Variants in SNX18 observed in about 807,000 individuals in gnomAD.
SNX18 encodes sorting nexin 18.
Under a neutral mutation model 48.7 loss-of-function variants are expected in SNX18, and 35 were observed. That is an observed-to-expected ratio of 0.72 (90% CI 0.55 to 0.95). The LOEUF (loss-of-function observed/expected upper bound fraction) is 0.95, where lower values mean the gene tolerates loss of function less well. Among genes scored for constraint, SNX18 ranks in the 40% least tolerant of loss-of-function variants. The pLI is 0.00. For missense variants in SNX18, 824 were observed against 871.0 expected (o/e 0.95, Z 0.68); for synonymous variants, 492 against 384.7 (o/e 1.28, Z -3.26).
chr5:54,623,905 A>G, the SNX18 span, among the ~76,000 whole-genome samples: 112,655 of 152,124 alleles, frequency 0.74, 42,596 homozygotes, highest in African/African-American at 0.9. Context: ...TTCAGCATGT[A>G]GAACTTTCTC....
intron 1 of SNX18, among the ~76,000 whole-genome samples, chr5:54,527,191 A>T (rs1242657500): frequency 6.6e-6 from 1 of 152,176 alleles, no homozygotes; most frequent in Non-Finnish European, 1.5e-5. Context: ...ATGACATCCA[A>T]CTGGACATAT....
the SNX18 span, among the ~76,000 whole-genome samples, chr5:54,552,960 T>C: frequency 1.5e-4 from 22 of 151,580 alleles, no homozygotes; most frequent in African/African-American, 5.1e-4. Flanking sequence ...GAGTGAAGTA[T>C]GTGGAAGACC....
the SNX18 span, among the ~76,000 whole-genome samples, chr5:54,625,781 A>G: frequency 6.6e-6 from 1 of 152,170 alleles, no homozygotes; most frequent in Non-Finnish European, 1.5e-5. Context: ...GCTCATGGAT[A>G]GGCACATGAT....
chr5:54,596,334 A>T, the SNX18 span, among the ~76,000 whole-genome samples: 18 of 152,104 alleles, frequency 1.2e-4, no homozygotes, highest in Non-Finnish European at 2.2e-4. Context: ...CACCATCTCT[A>T]CCAAAACAGA....
chr5:54,553,781 T>C, the SNX18 span, among the ~76,000 whole-genome samples: 1 of 152,312 alleles, frequency 6.6e-6, no homozygotes, highest in South Asian at 2.1e-4. Context: ...TCTCTCTCAG[T>C]GCAATTACAT....
At chr5:54,644,973 A>C in the SNX18 span, 1 of 152,240 alleles carries the variant, frequency 6.6e-6, no homozygotes, top group Non-Finnish European at 1.5e-5. Flanking sequence ...CTTGTTAGAA[A>C]GGCAGCTTCT....
At chr5:54,607,640 A>C in the SNX18 span, among the ~76,000 whole-genome samples, 21 of 152,206 alleles carry the variant, frequency 1.4e-4, no homozygotes, top group Non-Finnish European at 3.1e-4. Context: ...ATTACAAATA[A>C]AGCTGCTATG....
the SNX18 span, among the ~76,000 whole-genome samples, chr5:54,553,833 A>G: frequency 6.6e-6 from 1 of 152,186 alleles, no homozygotes; most frequent in African/African-American, 2.4e-5. Flanking sequence ...TAGCTCTAGC[A>G]TCTCCAACGT....
At chr5:54,596,196 C>T in the SNX18 span, among the ~76,000 whole-genome samples, 14 of 151,606 alleles carry the variant, frequency 9.2e-5, no homozygotes, top group East Asian at 3.9e-4. Context: ...TGTGACAAAG[C>T]GGATAAAATT....
At chr5:54,564,324 C>T in the SNX18 span, among the ~76,000 whole-genome samples, 1 of 152,002 alleles carries the variant, frequency 6.6e-6, no homozygotes, top group South Asian at 2.1e-4. Flanking sequence ...TTTATTGATT[C>T]CATAATATTT....
chr5:54,543,122 T>C (rs924913348), intron 1 of SNX18, 57 bp from the exon 2 acceptor site: 3 of 1,524,226 alleles, frequency 2.0e-6, no homozygotes, highest in African/African-American at 1.4e-5. Flanking sequence ...TATGTAGTTA[T>C]GTTCTTGGGA....
At chr5:54,565,863 G>A in the SNX18 span, among the ~76,000 whole-genome samples, 28,489 of 152,084 alleles carry the variant, frequency 0.19, 2,841 homozygotes, top group Middle Eastern at 0.27. Context: ...AATGAGCTGC[G>A]TGTTTATTAC....
At chr5:54,643,519 G>C in the SNX18 span, 1 of 152,098 alleles carries the variant, frequency 6.6e-6, no homozygotes. Context: ...ACGACTTTTG[G>C]TTAGTTTATA....
At chr5:54,555,467 T>C in the SNX18 span, among the ~76,000 whole-genome samples, 5 of 151,944 alleles carry the variant, frequency 3.3e-5, no homozygotes, top group Admixed American at 1.3e-4. Flanking sequence ...CCCTCAGCCT[T>C]CCAAATTGCT....
chr5:54,564,922 G>A, the SNX18 span, among the ~76,000 whole-genome samples: 1 of 152,216 alleles, frequency 6.6e-6, no homozygotes, highest in Non-Finnish European at 1.5e-5. Context: ...CCGAATTCAT[G>A]TGGGAGGGTC....
the SNX18 span, among the ~76,000 whole-genome samples, chr5:54,622,270 C>A: frequency 6.6e-6 from 1 of 152,108 alleles, no homozygotes; most frequent in Admixed American, 6.6e-5. Flanking sequence ...TGGCCAAGGT[C>A]GGAGGATCAC....
the SNX18 span, among the ~76,000 whole-genome samples, chr5:54,561,271 C>A: frequency 6.6e-6 from 1 of 152,142 alleles, no homozygotes; most frequent in East Asian, 1.9e-4. Flanking sequence ...GAACTCCTGA[C>A]CTCAGGTGAT....
the SNX18 span, among the ~76,000 whole-genome samples, chr5:54,647,568 TG>T: frequency 6.6e-6 from 1 of 151,990 alleles, no homozygotes; most frequent in East Asian, 1.9e-4. Context: ...GAATGGGGCA[TG>T]AGAGGAAGGG....
At chr5:54,535,129 A>G (rs1762328566) in intron 1 of SNX18, among the ~76,000 whole-genome samples, 1 of 152,246 alleles carries the variant, frequency 6.6e-6, no homozygotes, top group Non-Finnish European at 1.5e-5. Context: ...CATGAGTAAC[A>G]TAATTCCTCT....
Sources: allele counts gnomAD v4.1 joint callset (sites outside exome capture counted in the v4.1 genomes callset), GRCh38; gene constraint gnomAD v4.1.1; transcripts MANE v1.5; gene names NCBI Gene and HGNC (gene_info 2026-07-23, HGNC 2026-07-21).